ZNF385D: variants seen among roughly 807,000 people sequenced by gnomAD.
ZNF385D encodes zinc finger protein 659.
A neutral mutation model predicts 35.8 loss-of-function variants in ZNF385D; 15 were observed. The observed-to-expected ratio is 0.42, with a 90% CI of 0.28 to 0.64. ZNF385D has a LOEUF of 0.64. ZNF385D is among the 30% of genes least tolerant of loss of function. ZNF385D has a pLI of 0.23. For synonymous variants in ZNF385D, 212 were observed against 186.8 expected (o/e 1.13, Z -1.10); for missense variants, 474 against 494.6 (o/e 0.96, Z 0.39).
At chr3:21,856,125 T>C (rs1696699257) in intron 3 of ZNF385D, among the ~76,000 whole-genome samples, 1 of 152,102 alleles carries the variant, frequency 6.6e-6, no homozygotes, top group Non-Finnish European at 1.5e-5. Flanking sequence ...GGAGAAATTT[T>C]TTTCTTGCTA....
At chr3:21,588,068 G>A (rs556991519) in intron 2 of ZNF385D, among the ~76,000 whole-genome samples, 18 of 152,252 alleles carry the variant, frequency 1.2e-4, no homozygotes, top group Middle Eastern at 3.4e-3. Flanking sequence ...AAAAAGACAA[G>A]ATAAAGTTCC....
At position 22,141,041 on chromosome 3, in the gene ZNF385D, T is replaced by C. The variant is rs1012958445; in HGVS notation, c.325+27776A>G. 4.6e-5 allele frequency among the ~76,000 whole-genome samples: 7 copies of C among 152,330 alleles called. No homozygotes were observed. In the East Asian group the frequency reaches 1.3e-3, roughly 29 times the overall value. On this transcript the variant is annotated intron_variant, in intron 3 of 5. Coordinates refer to the ZNF385D transcript ENST00000494108. The stretch of plus-strand genomic sequence containing the variant: ...GATTCATGTCCTGAGCAATTTATAG[T>C]ACAACAAATTCTCAGAGATTAAGAG...
chr3:21,758,791 A>T (rs759923400), intron 3 of ZNF385D, among the ~76,000 whole-genome samples: 2 of 151,854 alleles, frequency 1.3e-5, no homozygotes, highest in African/African-American at 2.4e-5. Context: ...AAAGTTGTGT[A>T]TATTTTCACC....
intron 3 of ZNF385D, among the ~76,000 whole-genome samples, chr3:21,899,361 C>T (rs1699290682): frequency 6.6e-6 from 1 of 152,106 alleles, no homozygotes; most frequent in African/African-American, 2.4e-5. Context: ...TAGTTTCTCC[C>T]ACCGGGGAAA....
intron 3 of ZNF385D, among the ~76,000 whole-genome samples, chr3:21,939,314 C>T (rs1023875931): frequency 5.3e-5 from 8 of 152,022 alleles, no homozygotes; most frequent in East Asian, 1.9e-4. Context: ...CTGTTAAGTA[C>T]GTATTATTTT....
intron 3 of ZNF385D, among the ~76,000 whole-genome samples, chr3:22,070,738 T>C (rs540468878): frequency 9.2e-5 from 14 of 152,270 alleles, no homozygotes; most frequent in Non-Finnish European, 2.9e-5. Flanking sequence ...GTAAGGGGAA[T>C]CTATATCCTG....
At chr3:22,338,907 G>A (rs1559528604) in intron 2 of ZNF385D, among the ~76,000 whole-genome samples, 1 of 151,750 alleles carries the variant, frequency 6.6e-6, no homozygotes. Context: ...CACCATGTTG[G>A]CCAGGCTCGT....
At chr3:21,821,457 T>C (rs1694227618) in intron 3 of ZNF385D, among the ~76,000 whole-genome samples, 1 of 152,142 alleles carries the variant, frequency 6.6e-6, no homozygotes, top group African/African-American at 2.4e-5. Flanking sequence ...ATACTTAGAA[T>C]TAAAAAATAC....
chr3:21,740,356 G>C (rs912129993), intron 1 of ZNF385D, among the ~76,000 whole-genome samples: 1 of 152,044 alleles, frequency 6.6e-6, no homozygotes, highest in Admixed American at 6.6e-5. Context: ...CAGAATCTCA[G>C]GCCACATCTC....
chr3:22,016,272 G>A (rs980216393), intron 3 of ZNF385D, among the ~76,000 whole-genome samples: 7 of 152,122 alleles, frequency 4.6e-5, no homozygotes, highest in Admixed American at 2.6e-4. Context: ...GTAGGTATGC[G>A]TCCAAACTTT....
At chr3:22,038,901 A>C (rs959814073) in intron 3 of ZNF385D, among the ~76,000 whole-genome samples, 3 of 149,766 alleles carry the variant, frequency 2.0e-5, no homozygotes, top group East Asian at 3.9e-4. Context: ...ATTATATATA[A>C]ACATATATAT....
intron 2 of ZNF385D, among the ~76,000 whole-genome samples, chr3:21,650,486 G>C (rs1003886625): frequency 6.6e-6 from 1 of 151,898 alleles, no homozygotes; most frequent in African/African-American, 2.4e-5. Context: ...CAATATCTAC[G>C]TGCATTTATT....
At chr3:21,939,050 C>G (rs73046305) in intron 3 of ZNF385D, among the ~76,000 whole-genome samples, 5,878 of 152,174 alleles carry the variant, frequency 0.039, 144 homozygotes, top group Middle Eastern at 0.088. Context: ...GCAGGTTTCT[C>G]ACTAAACTAA....
chr3:21,862,193 C>G (rs1697089877), intron 3 of ZNF385D, among the ~76,000 whole-genome samples: 1 of 151,844 alleles, frequency 6.6e-6, no homozygotes, highest in Non-Finnish European at 1.5e-5. Flanking sequence ...TGTAGAATAC[C>G]TTAACTCATA....
chr3:21,905,563 A>G (rs1239133727), intron 3 of ZNF385D, among the ~76,000 whole-genome samples: 8 of 151,838 alleles, frequency 5.3e-5, no homozygotes, highest in African/African-American at 9.7e-5. Flanking sequence ...GAAAGGAAGG[A>G]AAGCAAATGA....
At chr3:21,697,206 C>A (rs913264206) in intron 1 of ZNF385D, among the ~76,000 whole-genome samples, 1 of 151,874 alleles carries the variant, frequency 6.6e-6, no homozygotes, top group African/African-American at 2.4e-5. Flanking sequence ...TCCTATTCAT[C>A]GAAAAAAGAT....
intron 3 of ZNF385D, among the ~76,000 whole-genome samples, chr3:21,925,690 C>T (rs1559760350): frequency 1.3e-5 from 2 of 151,996 alleles, no homozygotes; most frequent in Non-Finnish European, 2.9e-5. Flanking sequence ...AGTGGATAAC[C>T]TACAGACTCT....
chr3:22,242,044 G>T (rs991132343), intron 2 of ZNF385D, among the ~76,000 whole-genome samples: 1 of 147,442 alleles, frequency 6.8e-6, no homozygotes, highest in Non-Finnish European at 1.5e-5. Context: ...ATGGACACAG[G>T]AAGGGGAACA....
At chr3:22,333,975 T>A (rs748140291) in intron 2 of ZNF385D, among the ~76,000 whole-genome samples, 1 of 152,250 alleles carries the variant, frequency 6.6e-6, no homozygotes, top group East Asian at 1.9e-4. Context: ...GAATGTTTTA[T>A]GTATTTTATA....
Sources: allele counts gnomAD v4.1 joint callset (sites outside exome capture counted in the v4.1 genomes callset), GRCh38; gene constraint gnomAD v4.1.1; transcripts MANE v1.5; gene names NCBI Gene and HGNC (gene_info 2026-07-23, HGNC 2026-07-21).